NXPH2: variants seen among roughly 807,000 people sequenced by gnomAD.
The protein encoded by NXPH2 is neurexophilin 2.
In NXPH2, 5 loss-of-function variants were observed where a neutral mutation model predicts 19.8. The ratio of observed to expected loss-of-function variants is 0.25; its 90% CI spans 0.13 to 0.53. The LOEUF (loss-of-function observed/expected upper bound fraction) is 0.53, where lower values mean the gene tolerates loss of function less well. Among genes scored for constraint, NXPH2 ranks in the 20% least tolerant of loss-of-function variants. The pLI, the probability that NXPH2 is intolerant of heterozygous loss-of-function variation, is 0.96. For synonymous variants in NXPH2, 154 were observed against 127.4 expected, an observed-to-expected ratio of 1.21 and a Z score of -1.41; for missense variants, 289 against 322.8, an observed-to-expected ratio of 0.90 and a Z score of 0.80.
intron 1 of NXPH2, among the ~76,000 whole-genome samples, chr2:138,708,059 T>A (rs971415907): frequency 6.6e-6 from 1 of 152,226 alleles, no homozygotes; most frequent in Non-Finnish European, 1.5e-5. Flanking sequence ...CAGGGCTGTC[T>A]CCTCTTATAG....
At chr2:138,734,589 A>G (rs553605838) in intron 1 of NXPH2, among the ~76,000 whole-genome samples, 9 of 152,324 alleles carry the variant, frequency 5.9e-5, no homozygotes, top group African/African-American at 2.2e-4. Flanking sequence ...TGTGAAATAG[A>G]GAGGGTGATC....
At chr2:138,724,051 A>G (rs895374104) in intron 1 of NXPH2, among the ~76,000 whole-genome samples, 7 of 151,642 alleles carry the variant, frequency 4.6e-5, no homozygotes, top group Admixed American at 1.3e-4. Context: ...TATTAAGCCT[A>G]GCATCCATTA....
chr2:138,681,959 A>C (rs930209003), intron 1 of NXPH2, among the ~76,000 whole-genome samples: 1 of 152,206 alleles, frequency 6.6e-6, no homozygotes, highest in Non-Finnish European at 1.5e-5. Flanking sequence ...CTATTATACA[A>C]TCTAGAGGTG....
intron 1 of NXPH2, among the ~76,000 whole-genome samples, chr2:138,708,873 C>T (rs1681056348): frequency 6.6e-6 from 1 of 152,228 alleles, no homozygotes; most frequent in South Asian, 2.1e-4. Context: ...TCACTCTCTC[C>T]ATGTTGACAA....
At chr2:138,766,636 G>C (rs1212712325) in intron 1 of NXPH2, among the ~76,000 whole-genome samples, 1 of 152,122 alleles carries the variant, frequency 6.6e-6, no homozygotes, top group Non-Finnish European at 1.5e-5. Context: ...ACTTCCAGAA[G>C]TCAACTCATG....
In NXPH2 at chr2:138,767,178, C is replaced by A. The variant is rs985272956; in HGVS notation, c.51+13013G>T. On this transcript the variant is annotated intron_variant, in intron 1 of 1. Coordinates refer to ENST00000272641, the MANE Select transcript of NXPH2 (RefSeq NM_007226.3). ...GAATATAAATCCATTTCAAAAACAG[C>A]AAAATAATAAATAGCACTTATGAAG... Among the ~76,000 whole-genome samples, 18 of 152,266 alleles carry A rather than the reference C, an allele frequency of 1.2e-4. No homozygotes were observed. The East Asian group carries it at 3.1e-3, about 26-fold the overall frequency.
intron 1 of NXPH2, among the ~76,000 whole-genome samples, chr2:138,775,074 C>T (rs917703951): frequency 6.6e-5 from 10 of 152,226 alleles, no homozygotes; most frequent in African/African-American, 2.2e-4. Flanking sequence ...ATTTAGTATA[C>T]GTGCTACTGA....
intron 1 of NXPH2, among the ~76,000 whole-genome samples, chr2:138,743,936 G>A (rs1208474056): frequency 6.8e-6 from 1 of 147,116 alleles, no homozygotes; most frequent in Admixed American, 7.0e-5. Flanking sequence ...CCAGGAGGTG[G>A]AGGTTGCAGT....
At chr2:138,702,487 A>G (rs1680939963) in intron 1 of NXPH2, among the ~76,000 whole-genome samples, 2 of 152,116 alleles carry the variant, frequency 1.3e-5, no homozygotes, top group Non-Finnish European at 1.5e-5. Flanking sequence ...AAATCGTCCA[A>G]TAGCCTCTTC....
At chr2:138,767,571 C>A (rs1682110997) in intron 1 of NXPH2, among the ~76,000 whole-genome samples, 1 of 151,506 alleles carries the variant, frequency 6.6e-6, no homozygotes, top group South Asian at 2.1e-4. Flanking sequence ...CTATTTTTTT[C>A]CTCTTCTGTC....
intron 1 of NXPH2, among the ~76,000 whole-genome samples, chr2:138,679,744 G>A (rs1680544939): frequency 6.6e-6 from 1 of 152,058 alleles, no homozygotes; most frequent in Admixed American, 6.5e-5. Flanking sequence ...GAAGAGACTA[G>A]GTGACATTAA....
At chr2:138,694,848 C>T (rs896098888) in intron 1 of NXPH2, among the ~76,000 whole-genome samples, 2 of 152,186 alleles carry the variant, frequency 1.3e-5, no homozygotes, top group Non-Finnish European at 2.9e-5. Context: ...GAACGTATTG[C>T]TCCCAGATTA....
Position 138,745,546 on chromosome 2 carries a change from C to T in NXPH2, c.51+34645G>A, listed in dbSNP as rs538794786. On this transcript the variant is annotated intron_variant, in intron 1 of 1. Coordinates refer to ENST00000272641, the MANE Select transcript of NXPH2 (RefSeq NM_007226.3). ...TTTTCTTTATAGTTCTAAAGTCTTA[C>T]GCAAAAAGTTAATTGTGTAATACTT... 2.2e-4 allele frequency among the ~76,000 whole-genome samples: 33 copies of T among 147,964 alleles called. No homozygotes were observed. The East Asian group carries it at 3.8e-3, about 17-fold the overall frequency.
intron 1 of NXPH2, among the ~76,000 whole-genome samples, chr2:138,684,632 T>G (rs1680621853): frequency 6.6e-6 from 1 of 152,184 alleles, no homozygotes; most frequent in Non-Finnish European, 1.5e-5. Flanking sequence ...GTCAATTTTA[T>G]CTAGACCTCC....
At chr2:138,777,831 T>TAAAACAAAAAAAAAAAA (rs1682290009) in intron 1 of NXPH2, among the ~76,000 whole-genome samples, 1 of 92,948 alleles carries the variant, frequency 1.1e-5, no homozygotes, top group Non-Finnish European at 2.0e-5. Flanking sequence ...ACCAAAAAAT[T>TAAAACAAAAAAAAAAAA]AAAAAAAAAA....
At chr2:138,671,752 T>G in intron 1 of NXPH2, 87 bp from the exon 2 acceptor site, 2 of 1,320,002 alleles carry the variant, frequency 1.5e-6, no homozygotes, top group Non-Finnish European at 2.1e-6. Context: ...AGGGAAATTA[T>G]TTCAACATTG....
rs763888524 is a variant in NXPH2 at position 138,671,505 on chromosome 2, A to T, written c.212T>A (p.Met71Lys). Residue 71 changes from methionine to lysine, a missense_variant, in exon 2 of 2, where the codon ATG (methionine) becomes AAG (lysine). By Grantham distance (95) the Met-to-Lys change is moderately conservative. Transcript: ENST00000272641. ...GTTTTCCATGCTGTCTGCGTACGCC[A>T]TGGGGCCGGGCTTGGGCACCGGAGA... ...KQSPVPKPGP[M>K]AYADSMENFW... 6.2e-7 allele frequency: 1 copy of T among 1,613,854 alleles called. No individual in the cohort carries two copies. Among genetic ancestry groups the T allele is most frequent in the African/African-American group, 1.3e-5 (1 of 74,920 alleles).
chr2:138,731,445 G>A (rs965726029), intron 1 of NXPH2, among the ~76,000 whole-genome samples: 7 of 152,230 alleles, frequency 4.6e-5, no homozygotes, highest in Middle Eastern at 6.8e-3. Context: ...AGATCCTCTA[G>A]AGAAGAACAT....
At chr2:138,683,785 A>T (rs1680610769) in intron 1 of NXPH2, among the ~76,000 whole-genome samples, 1 of 152,166 alleles carries the variant, frequency 6.6e-6, no homozygotes, top group Admixed American at 6.6e-5. Flanking sequence ...GCATTAATTT[A>T]TTGGTTACAT....
Sources: gnomAD v4.1 joint callset for allele counts (sites outside exome capture counted in the v4.1 genomes callset) on GRCh38, gnomAD v4.1.1 for gene constraint, MANE v1.5 for transcripts, NCBI Gene and HGNC (gene_info 2026-07-23, HGNC 2026-07-21) for gene names.